The following NWD2 variants were observed in gnomAD, a reference collection of about 807,000 sequenced individuals.
The protein encoded by NWD2 is NACHT and WD repeat domain-containing protein 2.
NWD2 carries 37 observed loss-of-function variants against 132.7 expected under a neutral mutation model. The ratio of observed to expected loss-of-function variants is 0.28; its 90% confidence interval spans 0.21 to 0.37. The LOEUF (loss-of-function observed/expected upper bound fraction) is 0.37. NWD2 is among the 10% of genes least tolerant of loss of function. NWD2 has a pLI of 1.00. For synonymous variants in NWD2, 705 were observed against 803.0 expected, an observed-to-expected ratio of 0.88 and a Z score of 2.06; for missense variants, 1,592 against 2,122.4, an observed-to-expected ratio of 0.75 and a Z score of 4.91.
chr4:37,383,178 A>AT (rs1257969976), intron 3 of NWD2, among the ~76,000 whole-genome samples: 2 of 152,174 alleles, frequency 1.3e-5, no homozygotes, highest in Non-Finnish European at 2.9e-5. Context: ...AGACCCGAGA[A>AT]TTTCTGACAA....
rs1712591866 is a variant in NWD2 at position 37,444,860 on chromosome 4, C to G, written c.2872C>G (p.Pro958Ala). Residue 958 changes from proline (P) to alanine (A), a missense_variant, in exon 7 of 7, where the codon CCA (proline) becomes GCA (alanine). Pro to Ala is a conservative substitution (Grantham distance 27, BLOSUM62 -1). This residue lies in a region of NWD2 where 1,071 missense variants were observed against 1,398.0 expected (regional missense o/e 0.77). Coordinates refer to ENST00000309447, the MANE Select transcript of NWD2 (RefSeq NM_001144990.2). This position sits in a 1 kb window ranked among gnomAD's most constrained non-coding sequence, Gnocchi z 4.8. ...LHSSMDVTYS[P>A]ERLPLSSSHL... is the part of the protein sequence containing the mutation. ...TTCATCCATGGATGTGACATACAGC[C>G]CAGAGCGTCTTCCCTTATCATCCAG... The G allele has an allele frequency of 6.4e-7, 1 of 1,552,122 alleles. No individual in the cohort carries two copies. The highest frequency in any genetic ancestry group is 8.7e-7 in the Non-Finnish European group (1 of 1,147,124).
rs1712530092 is a variant in NWD2, at chr4:37,443,155, A to ATTT, written c.1297-127_1297-125dup. 1 of 788,640 alleles carries ATTT rather than the reference A, an allele frequency of 1.3e-6. No individual in the cohort carries two copies. 48.9% of individuals were successfully genotyped at this position (788,640 alleles called of 1,614,324 possible). On this transcript the variant is annotated intron_variant, in intron 6 of 6. Transcript: ENST00000309447. This position sits in a 1 kb window ranked among gnomAD's most constrained non-coding sequence, Gnocchi z 4.1. ...TTGGCCTTCTCAGAGGGTTTTTCCA[A>ATTT]TTTTTGGTCCTAAGCTATTTCCTGC...
At chr4:37,303,821 G>A (rs566421001) in intron 1 of NWD2, among the ~76,000 whole-genome samples, 1 of 152,258 alleles carries the variant, frequency 6.6e-6, no homozygotes, top group East Asian at 1.9e-4. Flanking sequence ...AATTTTAAGA[G>A]TTATTTAATA....
chr4:37,363,711 G>A (rs1720027818), intron 3 of NWD2, among the ~76,000 whole-genome samples: 1 of 152,182 alleles, frequency 6.6e-6, no homozygotes, highest in Admixed American at 6.5e-5. Flanking sequence ...TGGGTACTAT[G>A]CTGAGCACCT....
At chr4:37,422,946 G>A (rs1711866780) in intron 3 of NWD2, among the ~76,000 whole-genome samples, 1 of 151,276 alleles carries the variant, frequency 6.6e-6, no homozygotes, top group Middle Eastern at 3.2e-3. Context: ...CGTAATATGT[G>A]AAACACAGGC....
At chr4:37,250,380 C>G (rs1309440110) in intron 1 of NWD2, among the ~76,000 whole-genome samples, 1 of 152,164 alleles carries the variant, frequency 6.6e-6, no homozygotes, top group Non-Finnish European at 1.5e-5. Flanking sequence ...TATAGCTAGA[C>G]TTGGGAGCCA....
rs76980534 is a variant in NWD2 at position 37,397,558 on chromosome 4, C to T, written c.358-33014C>T. Among the ~76,000 whole-genome samples the T allele has an allele frequency of 6.1e-3, 931 of 152,210 alleles. 9 individuals carry two copies. Among genetic ancestry groups the T allele is most frequent in the African/African-American group, 0.021 (884 of 41,526 alleles). ...CCAGCTCTCACCTTGGTTCTCCAGC[C>T]GCCAGCCTGCCCTGCAGAGTCGGAC... On this transcript the variant is annotated intron_variant, in intron 3 of 6. Transcript: ENST00000309447.
At chr4:37,390,391 G>T (rs1293652084) in intron 3 of NWD2, among the ~76,000 whole-genome samples, 1 of 147,856 alleles carries the variant, frequency 6.8e-6, no homozygotes, top group Admixed American at 6.9e-5. Context: ...TCACGTGTGT[G>T]CTTGGGCATA....
intron 1 of NWD2, among the ~76,000 whole-genome samples, chr4:37,281,538 G>A (rs985860999): frequency 1.3e-5 from 2 of 151,966 alleles, no homozygotes; most frequent in African/African-American, 4.8e-5. Flanking sequence ...AGGAGAACTG[G>A]GACCCATCTC....
intron 3 of NWD2, among the ~76,000 whole-genome samples, chr4:37,410,849 A>T (rs1477396320): frequency 6.6e-6 from 1 of 152,222 alleles, no homozygotes; most frequent in Non-Finnish European, 1.5e-5. Context: ...ACTCACTCAA[A>T]ACCACACAAC....
chr4:37,376,991 T>C (rs1048593687), intron 3 of NWD2, among the ~76,000 whole-genome samples: 1 of 152,238 alleles, frequency 6.6e-6, no homozygotes, highest in African/African-American at 2.4e-5. Context: ...TTTTGTGATA[T>C]GAGATGTCAT....
intron 1 of NWD2, among the ~76,000 whole-genome samples, chr4:37,271,625 T>A (rs1356705126): frequency 6.6e-6 from 1 of 151,802 alleles, no homozygotes; most frequent in Non-Finnish European, 1.5e-5. Flanking sequence ...CAAAACCATA[T>A]CATCTAGAAT....
intron 3 of NWD2, among the ~76,000 whole-genome samples, chr4:37,416,497 T>G (rs996750427): frequency 1.4e-4 from 21 of 152,128 alleles, no homozygotes; most frequent in Admixed American, 2.0e-4. Flanking sequence ...ACTTTTACAC[T>G]GCTGGTGGGA....
chr4:37,330,699 A>G (rs1026016427), intron 2 of NWD2, among the ~76,000 whole-genome samples: 25 of 152,208 alleles, frequency 1.6e-4, no homozygotes, highest in African/African-American at 6.0e-4. Flanking sequence ...TTAAGTCCCC[A>G]GGCCTGGAAC....
At chr4:37,245,900 A>G (rs1009189146) in intron 1 of NWD2, among the ~76,000 whole-genome samples, 8 of 152,192 alleles carry the variant, frequency 5.3e-5, no homozygotes, top group African/African-American at 9.7e-5. Flanking sequence ...GGCACCTGGT[A>G]GGCACTCCAT....
chr4:37,282,416 T>C (rs139831203), intron 1 of NWD2, among the ~76,000 whole-genome samples: 140 of 152,346 alleles, frequency 9.2e-4, no homozygotes, highest in Non-Finnish European at 1.6e-3. Context: ...ATGTTGAGAC[T>C]ATTAGTCTGC....
At chr4:37,268,845 A>G (rs1228947039) in intron 1 of NWD2, among the ~76,000 whole-genome samples, 3 of 151,864 alleles carry the variant, frequency 2.0e-5, no homozygotes, top group Non-Finnish European at 2.9e-5. Flanking sequence ...CAAGCATAAG[A>G]GGCAAGTAAG....
At chr4:37,260,809 A>G (rs1054170423) in intron 1 of NWD2, among the ~76,000 whole-genome samples, 10 of 152,190 alleles carry the variant, frequency 6.6e-5, no homozygotes, top group Non-Finnish European at 1.2e-4. Context: ...AGGCAGACAG[A>G]GTGTGAACCC....
chr4:37,331,751 T>C (rs1467175141), intron 2 of NWD2, among the ~76,000 whole-genome samples: 1 of 152,210 alleles, frequency 6.6e-6, no homozygotes, highest in Non-Finnish European at 1.5e-5. Flanking sequence ...TACCTGGTTT[T>C]AACTTCATGT....
Sources: allele counts gnomAD v4.1 joint callset (sites outside exome capture counted in the v4.1 genomes callset), GRCh38; gene constraint gnomAD v4.1.1; regional missense constraint gnomAD v4.1.1; non-coding constraint Gnocchi (gnomAD v3.1); transcripts MANE v1.5; gene names NCBI Gene and HGNC (gene_info 2026-07-23, HGNC 2026-07-21).